IGHMBP2: variants seen among roughly 807,000 people sequenced by gnomAD.
IGHMBP2 encodes DNA-binding protein SMUBP-2.
A neutral mutation model predicts 96.0 loss-of-function variants in IGHMBP2; 81 were observed. That is an observed-to-expected ratio of 0.84 (90% CI 0.71 to 1.01). The LOEUF is 1.01. IGHMBP2 is among the 50% of genes least tolerant of loss of function. IGHMBP2 has a pLI of 0.00. For synonymous variants in IGHMBP2, 557 were observed against 548.9 expected, an observed-to-expected ratio of 1.01 and a Z score of -0.21; for missense variants, 1,227 against 1,306.3, an observed-to-expected ratio of 0.94 and a Z score of 0.94.
intron 14 of IGHMBP2, among the ~76,000 whole-genome samples, chr11:68,939,255 G>A (rs1232636901): frequency 3.3e-5 from 5 of 152,134 alleles, no homozygotes; most frequent in Non-Finnish European, 5.9e-5. Flanking sequence ...TTAGGTAGGC[G>A]GAGGCTGGGA....
rs1052060519 is a variant in IGHMBP2 at position 68,937,865 on chromosome 11, G to C, written c.2612-317G>C. The C allele has an allele frequency of 1.2e-4, 46 of 385,950 alleles. No individual in the cohort carries two copies. The South Asian group carries it at 1.2e-3, about 10-fold the overall frequency. 23.9% of individuals were successfully genotyped at this position (385,950 alleles called of 1,614,324 possible). A position where few individuals can be genotyped will look rare whatever the true frequency, so the allele number is the denominator to read the frequency against. The stretch of plus-strand genomic sequence containing the variant: ...CCCAAACCTTTGTTGAGCAGCTACT[G>C]TATGCCACGCTTTGTGCTAGAGGAC... On this transcript the variant is annotated intron_variant, in intron 13 of 14. Coordinates refer to ENST00000255078, the MANE Select transcript of IGHMBP2 (RefSeq NM_002180.3).
intron 6 of IGHMBP2, 60 bp from the exon 7 acceptor site, chr11:68,917,676 G>T: frequency 7.6e-7 from 1 of 1,316,188 alleles, no homozygotes; most frequent in South Asian, 1.2e-5. Flanking sequence ...TTCATAAATA[G>T]AGTTGAAGAA....
chr11:68,913,939 T>G (rs1303428269), intron 5 of IGHMBP2, among the ~76,000 whole-genome samples: 2 of 152,144 alleles, frequency 1.3e-5, no homozygotes, highest in African/African-American at 4.8e-5. Flanking sequence ...AGGAAGAGGC[T>G]TTATAATCAG....
intron 10 of IGHMBP2, 183 bp downstream of exon 10, chr11:68,934,096 C>T (rs1317257746): frequency 1.2e-5 from 8 of 651,960 alleles, no homozygotes; most frequent in Admixed American, 4.5e-5. Flanking sequence ...GTGAGCAGAC[C>T]GCTCCTGGGT....
rs1246330881 is a variant in IGHMBP2, at chr11:68,939,589, A to G, written c.2840A>G (p.Glu947Gly). 3 of 1,613,138 alleles carry G rather than the reference A, an allele frequency of 1.9e-6. No homozygotes were observed. Among genetic ancestry groups the G allele is most frequent in the African/African-American group, 2.7e-5 (2 of 74,928 alleles). The change falls in exon 15 of 15, where the codon GAA becomes GGA. Residue 947 changes from glutamate to glycine, a missense_variant. Physicochemically the swap from Glu to Gly is moderately conservative, Grantham distance 98 (BLOSUM62 -2). This residue lies in a region of IGHMBP2 where 703 missense variants were observed against 770.3 expected (regional missense o/e 0.91). Coordinates refer to ENST00000255078, the MANE Select transcript of IGHMBP2 (RefSeq NM_002180.3). The stretch of plus-strand genomic sequence containing the variant: ...CATGCCCGGCAGAGAATCAGCCGGG[A>G]AGGGGTCCTCTATGCCGGCAGCGGG... ...RAHARQRISR[E>G]GVLYAGSGTK...
chr11:68,937,270 C>G (rs1163867771), intron 13 of IGHMBP2, among the ~76,000 whole-genome samples, 179 bp downstream of exon 13: 1 of 152,166 alleles, frequency 6.6e-6, no homozygotes, highest in African/African-American at 2.4e-5. Flanking sequence ...TCCCCTAGGT[C>G]GGTGATCAGG....
chr11:68,938,438 G>C, intron 14 of IGHMBP2, 84 bp downstream of exon 14: 1 of 1,281,666 alleles, frequency 7.8e-7, no homozygotes, highest in East Asian at 2.5e-5. Context: ...GGGCAGACTT[G>C]TTCCAGTCGG....
rs528379461 is a variant in IGHMBP2 at position 68,932,996 on chromosome 11, A to G, written c.1236-303A>G. 263 of 486,062 alleles carry G rather than the reference A, an allele frequency of 5.4e-4. 1 individual carries two copies. Among genetic ancestry groups the G allele is most frequent in the African/African-American group, 4.7e-3 (245 of 51,620 alleles). The allele number at this position is 486,062 out of a possible 1,614,324, so 30.1% of individuals were successfully genotyped here. ...CTGACTGACCCTCGCATGCCCCCTT[A>G]TAAGACCCTTGGGTTATCACCTGGG... On this transcript the variant is annotated intron_variant, in intron 8 of 14. Coordinates refer to ENST00000255078, the MANE Select transcript of IGHMBP2 (RefSeq NM_002180.3).
intron 4 of IGHMBP2, among the ~76,000 whole-genome samples, chr11:68,910,129 C>A (rs979668132): frequency 1.3e-5 from 2 of 152,196 alleles, no homozygotes; most frequent in African/African-American, 4.8e-5. Flanking sequence ...CTAGGCAAGC[C>A]AGTGTTGTGT....
At chr11:68,914,301 A>AAAAG (rs1196681790) in intron 5 of IGHMBP2, among the ~76,000 whole-genome samples, 1 of 151,710 alleles carries the variant, frequency 6.6e-6, no homozygotes, top group East Asian at 1.9e-4. Context: ...TCAAAAAAAA[A>AAAAG]AAAGAAAGAA....
chr11:68,936,857 C>T lies in IGHMBP2; in HGVS notation c.2377C>T (p.Leu793=). ...SKRAPRPRAA[L]GPPAGTGGPA... ...GAGGGCCCCGCGACCCCGAGCAGCC[C>T]TGGGACCCCCAGCAGGGACCGGTGG... Residue 793 remains leucine, a synonymous_variant, in exon 13 of 15, where the codon CTG becomes TTG. Transcript: ENST00000255078. 1 of 1,613,072 alleles carries T rather than the reference C, an allele frequency of 6.2e-7. No homozygotes were observed. The highest frequency in any genetic ancestry group is 2.2e-5 in the East Asian group (1 of 44,870).
chr11:68,938,478 C>A, intron 14 of IGHMBP2, 124 bp downstream of exon 14: 1 of 786,300 alleles, frequency 1.3e-6, no homozygotes, highest in Non-Finnish European at 2.0e-6. Context: ...TCTCCAGATA[C>A]CTTCAGAAAC....
intron 5 of IGHMBP2, among the ~76,000 whole-genome samples, chr11:68,912,424 C>G (rs543211013): frequency 8.5e-5 from 13 of 152,268 alleles, no homozygotes; most frequent in Admixed American, 6.5e-4. Flanking sequence ...GCCACTGTGC[C>G]CGGCCCAGTT....
chr11:68,916,924 G>A (rs1211032290), intron 6 of IGHMBP2, among the ~76,000 whole-genome samples: 2 of 147,512 alleles, frequency 1.4e-5, no homozygotes, highest in Non-Finnish European at 3.0e-5. Context: ...TGTCACCCCT[G>A]CTAAAACTCC....
At chr11:68,938,446 C>A in intron 14 of IGHMBP2, 92 bp downstream of exon 14, 2 of 1,170,928 alleles carry the variant, frequency 1.7e-6, no homozygotes, top group Non-Finnish European at 2.4e-6. Context: ...TTGTTCCAGT[C>A]GGAACAGTTA....
intron 7 of IGHMBP2, among the ~76,000 whole-genome samples, chr11:68,925,419 G>C (rs1859030564): frequency 6.6e-6 from 1 of 152,084 alleles, no homozygotes; most frequent in South Asian, 2.1e-4. Flanking sequence ...AAAGTGCTAG[G>C]ATTACAGGAG....
At chr11:68,909,284 AT>A (rs1294936660) in intron 4 of IGHMBP2, among the ~76,000 whole-genome samples, 1 of 150,078 alleles carries the variant, frequency 6.7e-6, no homozygotes, top group African/African-American at 2.5e-5. Context: ...GGCTCAAGTG[AT>A]TCTCATGCCT....
intron 14 of IGHMBP2, 75 bp from the exon 15 acceptor site, chr11:68,939,459 T>C: frequency 5.9e-6 from 9 of 1,534,042 alleles, no homozygotes; most frequent in Non-Finnish European, 8.1e-6. Flanking sequence ...GCCCCCCAGC[T>C]CTTTGATAGG....
rs1858186225 is a variant in IGHMBP2 at position 68,906,183 on chromosome 11, T to C, written c.201T>C (p.Phe67=). 6.2e-7 allele frequency: 1 copy of C among 1,614,092 alleles called. No homozygotes were observed. The highest frequency in any genetic ancestry group is 1.3e-5 in the African/African-American group (1 of 74,930). Residue 67 remains phenylalanine, a synonymous_variant, in exon 2 of 15, where the codon TTT becomes TTC. Transcript: ENST00000255078. Reference sequence around the variant, plus strand: ...TGTACGGACGGCTGCTGGTCACCTTTGAGCCCAGGCGATACGGGTCCGCGG... The same window carrying C: ...TGTACGGACGGCTGCTGGTCACCTTCGAGCCCAGGCGATACGGGTCCGCGG... ...TGLYGRLLVT[F]EPRRYGSAAA...
Sources: gnomAD v4.1 joint callset for allele counts (sites outside exome capture counted in the v4.1 genomes callset) on GRCh38, gnomAD v4.1.1 for gene constraint, gnomAD v4.1.1 regional missense constraint, MANE v1.5 for transcripts, NCBI Gene and HGNC (gene_info 2026-07-23, HGNC 2026-07-21) for gene names.